Variants in ATP6V0E1 observed in about 807,000 individuals in gnomAD.
ATP6V0E1 encodes the protein V-type proton ATPase subunit e 1.
ATP6V0E1 carries 4 observed loss-of-function variants against 11.6 expected under a neutral mutation model. The observed-to-expected ratio is 0.35, with a 90% CI of 0.17 to 0.79. ATP6V0E1 has a LOEUF of 0.79. Ranked by LOEUF, ATP6V0E1 falls within the 30% of genes least tolerant of loss-of-function variation. The pLI is 0.54. For missense variants in ATP6V0E1, 105 were observed against 100.0 expected (o/e 1.05, Z -0.21); for synonymous variants, 36 against 34.8 (o/e 1.04, Z -0.13).
intron 1 of ATP6V0E1, 37 bp from the exon 2 acceptor site, chr5:172,994,738 G>A (rs1561768546): frequency 6.6e-7 from 1 of 1,509,194 alleles, no homozygotes; most frequent in Admixed American, 2.0e-5. Flanking sequence ...TAGTTTGCTA[G>A]TTATTTAATG....
chr5:173,018,721 G>A (rs1027171961), intron 2 of ATP6V0E1, among the ~76,000 whole-genome samples: 5 of 151,916 alleles, frequency 3.3e-5, no homozygotes, highest in East Asian at 1.9e-4. Flanking sequence ...TTCATTTTTC[G>A]CCATTGTATT....
At chr5:172,998,572 C>T (rs114614362) in intron 2 of ATP6V0E1, among the ~76,000 whole-genome samples, 94 of 147,122 alleles carry the variant, frequency 6.4e-4, no homozygotes, top group Non-Finnish European at 1.1e-3. Context: ...GATCGCTCCA[C>T]TGCATCCAGC....
intron 1 of ATP6V0E1, among the ~76,000 whole-genome samples, chr5:172,985,292 A>G (rs1755879982): frequency 6.6e-6 from 1 of 151,900 alleles, no homozygotes; most frequent in African/African-American, 2.4e-5. Context: ...TACTTCCCTA[A>G]TATTTTGTGA....
Position 173,020,318 on chromosome 5 carries a change from A to G in ATP6V0E1, c.233A>G (p.Tyr78Cys), listed in dbSNP as rs147105290. The G allele has an allele frequency of 5.0e-6, 8 of 1,612,562 alleles. No individual in the cohort carries two copies. Among genetic ancestry groups the G allele is most frequent in the Non-Finnish European group, 5.9e-6 (7 of 1,178,594 alleles). ...LKNETIWYLK[Y>C]HWP ...AATGAAACCATCTGGTATCTGAAGT[A>G]TCATTGGCCTTGAGGAAGAAGACAT... The change falls in exon 3 of 4, where the codon TAT (tyrosine) becomes TGT (cysteine). Residue 78 changes from tyrosine (Y) to cysteine (C), a missense_variant. Tyr to Cys is a radical substitution (Grantham distance 194). Coordinates refer to ENST00000519374, the MANE Select transcript of ATP6V0E1 (RefSeq NM_003945.4).
At chr5:173,015,769 C>T (rs1201194552) in intron 2 of ATP6V0E1, among the ~76,000 whole-genome samples, 1 of 152,172 alleles carries the variant, frequency 6.6e-6, no homozygotes, top group Non-Finnish European at 1.5e-5. Flanking sequence ...CTCTGTCATC[C>T]AGGCTAAAGT....
chr5:172,993,220 A>G (rs1756011644), intron 1 of ATP6V0E1, among the ~76,000 whole-genome samples: 2 of 152,200 alleles, frequency 1.3e-5, no homozygotes. Flanking sequence ...TATATTAACC[A>G]AAGAAAATAC....
At chr5:173,024,934 C>T (rs1446585444) in intron 3 of ATP6V0E1, among the ~76,000 whole-genome samples, 2 of 150,412 alleles carry the variant, frequency 1.3e-5, no homozygotes, top group Non-Finnish European at 3.0e-5. Flanking sequence ...CCTCTGCCTC[C>T]TGGGTTCAAG....
intron 2 of ATP6V0E1, among the ~76,000 whole-genome samples, chr5:173,012,031 T>G (rs2113599579): frequency 6.7e-6 from 1 of 149,004 alleles, no homozygotes; most frequent in African/African-American, 2.6e-5. Context: ...GACTGTTTCC[T>G]AGGTAAATTT....
chr5:172,985,183 T>C (rs1763746831), intron 1 of ATP6V0E1, among the ~76,000 whole-genome samples: 1 of 148,452 alleles, frequency 6.7e-6, no homozygotes, highest in Admixed American at 6.8e-5. Flanking sequence ...AGGCAGAGCT[T>C]GCAGTGAGCC....
At chr5:173,020,979 G>A (rs1284467595) in intron 3 of ATP6V0E1, 3 of 514,100 alleles carry the variant, frequency 5.8e-6, no homozygotes, top group Non-Finnish European at 7.8e-6. Flanking sequence ...AGGTGCCTGC[G>A]TCCGTTTGTT....
intron 2 of ATP6V0E1, among the ~76,000 whole-genome samples, chr5:172,997,680 G>A (rs546353688): frequency 3.9e-5 from 6 of 152,260 alleles, no homozygotes; most frequent in African/African-American, 1.4e-4. Context: ...GAGCGTGGTG[G>A]TGGGTGCCTG....
At chr5:172,995,145 C>T (rs1756045333) in intron 2 of ATP6V0E1, among the ~76,000 whole-genome samples, 1 of 152,218 alleles carries the variant, frequency 6.6e-6, no homozygotes, top group East Asian at 1.9e-4. Context: ...GCTCTGTCGC[C>T]CAGGCTGCAG....
At chr5:172,994,437 A>G (rs1319962178) in intron 1 of ATP6V0E1, among the ~76,000 whole-genome samples, 2 of 152,224 alleles carry the variant, frequency 1.3e-5, no homozygotes, top group African/African-American at 4.8e-5. Context: ...TGTTAATTTC[A>G]TTACAGAGAA....
chr5:172,993,978 G>T (rs1756026625), intron 1 of ATP6V0E1, among the ~76,000 whole-genome samples: 2 of 152,136 alleles, frequency 1.3e-5, no homozygotes, highest in Non-Finnish European at 2.9e-5. Flanking sequence ...ATGGAGGGGG[G>T]ACATCAAAAG....
chr5:172,985,091 A>G (rs1755870983), intron 1 of ATP6V0E1, among the ~76,000 whole-genome samples: 1 of 152,020 alleles, frequency 6.6e-6, no homozygotes, highest in African/African-American at 2.4e-5. Flanking sequence ...TAAAAACACA[A>G]AAAATTAGCC....
chr5:173,033,575 G>A (rs143803303), intron 3 of ATP6V0E1, among the ~76,000 whole-genome samples: 2 of 152,148 alleles, frequency 1.3e-5, no homozygotes. Context: ...GGGCATGATG[G>A]CTCATGCCTG....
chr5:172,994,938 G>A, intron 2 of ATP6V0E1, 116 bp downstream of exon 2: 2 of 772,526 alleles, frequency 2.6e-6, no homozygotes, highest in East Asian at 2.7e-5. Context: ...TCCTAAAATT[G>A]AAAATATCAC....
chr5:173,020,872 C>A, intron 3 of ATP6V0E1: 2 of 519,924 alleles, frequency 3.8e-6, no homozygotes, highest in South Asian at 2.8e-5. Flanking sequence ...TGTGCTTCCC[C>A]GAGAGTGTGC....
intron 2 of ATP6V0E1, among the ~76,000 whole-genome samples, chr5:173,002,452 A>C (rs11743280): frequency 0.03 from 4,597 of 152,230 alleles, 94 homozygotes; most frequent in Middle Eastern, 0.071. Context: ...TTAATGTTGC[A>C]GTCTGGTCTT....
Sources: gnomAD v4.1 joint callset for allele counts (sites outside exome capture counted in the v4.1 genomes callset) on GRCh38, gnomAD v4.1.1 for gene constraint, MANE v1.5 for transcripts, NCBI Gene and HGNC (gene_info 2026-07-23, HGNC 2026-07-21) for gene names.